PEX14: variants seen among roughly 807,000 people sequenced by gnomAD.
The protein encoded by PEX14 is peroxisomal membrane protein PEX14.
In PEX14, 15 loss-of-function variants were observed where a neutral mutation model predicts 49.5. The ratio of observed to expected loss-of-function variants is 0.30; its 90% CI spans 0.20 to 0.47. The LOEUF is 0.47. Among genes scored for constraint, PEX14 ranks in the 20% least tolerant of loss-of-function variants. The pLI, the probability that PEX14 is intolerant of heterozygous loss-of-function variation, is 1.00. For missense variants in PEX14, 398 were observed against 494.8 expected, an observed-to-expected ratio of 0.80 and a Z score of 1.86; for synonymous variants, 210 against 212.7, an observed-to-expected ratio of 0.99 and a Z score of 0.11.
At chr1:10,606,876 G>A (rs1475906119) in intron 4 of PEX14, among the ~76,000 whole-genome samples, 2 of 151,970 alleles carry the variant, frequency 1.3e-5, no homozygotes, top group Non-Finnish European at 2.9e-5. Flanking sequence ...AAGTCTTATT[G>A]AGATGTAATT....
intron 1 of PEX14, among the ~76,000 whole-genome samples, chr1:10,487,573 C>G (rs572721376): frequency 2.0e-5 from 3 of 147,998 alleles, no homozygotes; most frequent in East Asian, 4.0e-4. Flanking sequence ...CAACCTCTAC[C>G]TCCCAGGTTC....
intron 3 of PEX14, among the ~76,000 whole-genome samples, chr1:10,544,877 C>T (rs1430502340): frequency 4.6e-5 from 7 of 152,052 alleles, no homozygotes; most frequent in Admixed American, 3.3e-4. Flanking sequence ...ATCCTCCCAT[C>T]GCAGCCTCCC....
At chr1:10,578,592 T>C (rs765604458) in intron 3 of PEX14, among the ~76,000 whole-genome samples, 10 of 151,910 alleles carry the variant, frequency 6.6e-5, no homozygotes, top group Middle Eastern at 3.4e-3. Flanking sequence ...CTTACTGAAA[T>C]GAAAACTCAG....
chr1:10,603,123 G>A (rs1641033885), intron 4 of PEX14, among the ~76,000 whole-genome samples: 1 of 152,204 alleles, frequency 6.6e-6, no homozygotes, highest in South Asian at 2.1e-4. Context: ...GGTGAATGTG[G>A]TTGACCTTGA....
intron 2 of PEX14, among the ~76,000 whole-genome samples, chr1:10,500,713 T>C (rs1641662465): frequency 6.6e-6 from 1 of 152,216 alleles, no homozygotes; most frequent in African/African-American, 2.4e-5. Flanking sequence ...TATCTGGGAC[T>C]ATAGGCGTGC....
At chr1:10,625,956 C>T (rs750260252) in intron 7 of PEX14, among the ~76,000 whole-genome samples, 24 of 152,272 alleles carry the variant, frequency 1.6e-4, no homozygotes, top group Non-Finnish European at 2.9e-4. Flanking sequence ...GGCATCTAAA[C>T]GCGTATGTGT....
At chr1:10,576,403 T>C (rs951441674) in intron 3 of PEX14, among the ~76,000 whole-genome samples, 8 of 152,180 alleles carry the variant, frequency 5.3e-5, no homozygotes, top group African/African-American at 1.7e-4. Flanking sequence ...TTTTTTATTG[T>C]CTTCTTACAA....
chr1:10,526,409 G>T (rs1638484964), intron 2 of PEX14, among the ~76,000 whole-genome samples: 1 of 152,028 alleles, frequency 6.6e-6, no homozygotes, highest in Admixed American at 6.6e-5. Flanking sequence ...ATTACAGACG[G>T]TGTTTCACCA....
chr1:10,618,995 G>A (rs1361999958), intron 5 of PEX14, among the ~76,000 whole-genome samples: 3 of 152,232 alleles, frequency 2.0e-5, no homozygotes, highest in Admixed American at 6.5e-5. Flanking sequence ...GCATTTAAGA[G>A]CGGCGGTGAG....
In PEX14 at chr1:10,495,693, C is replaced by T. The variant is rs1248094606; in HGVS notation, c.84+372C>T. 2.6e-5 allele frequency among the ~76,000 whole-genome samples: 4 copies of T among 152,272 alleles called. No homozygotes were observed. Among genetic ancestry groups the T allele is most frequent in the South Asian group, 2.1e-4 (1 of 4,820 alleles). ...GCCCTCTGCTCTGCCCCTCAGGGTG[C>T]GAGCGCCTCAGTGGTCTTTAAAGAA... On this transcript the variant is annotated intron_variant, in intron 2 of 8. Transcript: ENST00000356607. The surrounding 1 kb of genome is among the most constrained non-coding windows in gnomAD (Gnocchi z 4.2).
At chr1:10,590,414 C>T (rs1640629512) in intron 3 of PEX14, among the ~76,000 whole-genome samples, 1 of 152,018 alleles carries the variant, frequency 6.6e-6, no homozygotes, top group African/African-American at 2.4e-5. Context: ...TTTTTGTGTG[C>T]TTTTCTTTAT....
At chr1:10,545,329 C>G (rs941166352) in intron 3 of PEX14, among the ~76,000 whole-genome samples, 4 of 152,076 alleles carry the variant, frequency 2.6e-5, no homozygotes, top group Non-Finnish European at 5.9e-5. Context: ...CATATAATTT[C>G]TTTTGGGTAC....
intron 2 of PEX14, among the ~76,000 whole-genome samples, chr1:10,520,978 CT>C (rs34115584): frequency 3.5e-4 from 50 of 141,008 alleles, no homozygotes; most frequent in African/African-American, 4.4e-4. Flanking sequence ...TTGCCGTTGT[CT>C]TTTTTTTTTT....
intron 1 of PEX14, among the ~76,000 whole-genome samples, chr1:10,480,833 C>T (rs1371150047): frequency 7.1e-6 from 1 of 141,086 alleles, no homozygotes; most frequent in Non-Finnish European, 1.5e-5. Flanking sequence ...GTCAGTCTCT[C>T]TCTCTCTTTC....
intron 3 of PEX14, among the ~76,000 whole-genome samples, chr1:10,541,684 A>AT (rs1227355384): frequency 6.6e-6 from 1 of 152,184 alleles, no homozygotes; most frequent in Non-Finnish European, 1.5e-5. Flanking sequence ...CAGCCTATTC[A>AT]TCACACCGAC....
intron 5 of PEX14, 30 bp downstream of exon 5, chr1:10,618,447 G>A: frequency 1.3e-6 from 2 of 1,514,688 alleles, no homozygotes; most frequent in Non-Finnish European, 1.8e-6. Flanking sequence ...TGCAGGTGCT[G>A]TGCCCCTGCC....
At chr1:10,594,984 G>A (rs951168667) in intron 3 of PEX14, among the ~76,000 whole-genome samples, 2 of 152,252 alleles carry the variant, frequency 1.3e-5, no homozygotes, top group Admixed American at 1.3e-4. Context: ...CTGCAGCAGT[G>A]ACACTGGGGT....
chr1:10,605,041 C>T (rs1343603209), intron 4 of PEX14, among the ~76,000 whole-genome samples: 1 of 152,186 alleles, frequency 6.6e-6, no homozygotes, highest in East Asian at 1.9e-4. Flanking sequence ...CCCCTAGACT[C>T]CCCACCCCGC....
chr1:10,522,636 A>G (rs1481041475), intron 2 of PEX14, among the ~76,000 whole-genome samples: 1 of 152,160 alleles, frequency 6.6e-6, no homozygotes, highest in Non-Finnish European at 1.5e-5. Flanking sequence ...TACCGTGAGG[A>G]CCTGTGAATG....
Sources: allele counts gnomAD v4.1 joint callset (sites outside exome capture counted in the v4.1 genomes callset), GRCh38; gene constraint gnomAD v4.1.1; non-coding constraint Gnocchi (gnomAD v3.1); transcripts MANE v1.5; gene names NCBI Gene and HGNC (gene_info 2026-07-23, HGNC 2026-07-21).